ADAMTSL1: variants seen among roughly 807,000 people sequenced by gnomAD.
ADAMTSL1 encodes the protein ADAMTS-like protein 1.
ADAMTSL1 carries 126 observed loss-of-function variants against 201.8 expected under a neutral mutation model. The observed-to-expected ratio is 0.62, with a 90% CI of 0.54 to 0.72. ADAMTSL1 has a LOEUF of 0.72. Ranked by LOEUF, ADAMTSL1 falls within the 30% of genes least tolerant of loss-of-function variation. The pLI is 0.00. For synonymous variants in ADAMTSL1, 1,121 were observed against 903.4 expected (o/e 1.24, Z -4.32); for missense variants, 2,679 against 2,277.8 (o/e 1.18, Z -3.59).
intron 19 of ADAMTSL1, among the ~76,000 whole-genome samples, chr9:18,794,639 G>GTT (rs542611561): frequency 2.3e-4 from 26 of 111,648 alleles, no homozygotes; most frequent in African/African-American, 3.2e-4. Flanking sequence ...TTTTTTTGTT[G>GTT]TTGTTGTTTT....
intron 2 of ADAMTSL1, among the ~76,000 whole-genome samples, chr9:18,165,499 ACTGTCCATG>A (rs1298668143): frequency 6.6e-6 from 1 of 151,854 alleles, no homozygotes; most frequent in Non-Finnish European, 1.5e-5. Flanking sequence ...TAAAATGAAA[ACTGTCCATG>A]CTGTTGAATT....
chr9:18,072,031 C>A (rs1329981390), intron 1 of ADAMTSL1, among the ~76,000 whole-genome samples: 4 of 152,020 alleles, frequency 2.6e-5, no homozygotes, highest in African/African-American at 4.8e-5. Flanking sequence ...CTTAGCTGTC[C>A]CTGGCAACTG....
rs1405526524 is a variant in ADAMTSL1, at chr9:18,327,103, G to C, written c.207+163122G>C. 2.6e-5 allele frequency among the ~76,000 whole-genome samples: 4 copies of C among 152,296 alleles called. No homozygotes were observed. In the East Asian group the frequency reaches 7.7e-4, roughly 29 times the overall value. On this transcript the variant is annotated intron_variant, in intron 2 of 29. Transcript: ENST00000680146. ...TGATAAAAAAATTTTCAAATTACTG[G>C]TACTCTCCTTTTGAGTTTCATGGTA...
intron 2 of ADAMTSL1, among the ~76,000 whole-genome samples, chr9:18,329,867 G>A (rs1403444601): frequency 6.6e-6 from 1 of 152,198 alleles, no homozygotes; most frequent in African/African-American, 2.4e-5. Flanking sequence ...CAGTGCATAT[G>A]CAGTGGCTAG....
chr9:18,600,947 C>T (rs1392699325), intron 4 of ADAMTSL1, among the ~76,000 whole-genome samples: 5 of 152,160 alleles, frequency 3.3e-5, no homozygotes, highest in African/African-American at 4.8e-5. Context: ...ATCTTTAAAG[C>T]CTACTGCTTT....
At chr9:18,870,898 G>A (rs1827840906) in intron 23 of ADAMTSL1, among the ~76,000 whole-genome samples, 1 of 152,120 alleles carries the variant, frequency 6.6e-6, no homozygotes, top group East Asian at 1.9e-4. Flanking sequence ...CCTCAGTCAA[G>A]TTGTTTTAAG....
intron 2 of ADAMTSL1, among the ~76,000 whole-genome samples, chr9:18,405,626 C>T (rs1047576610): frequency 1.7e-5 from 2 of 120,304 alleles, no homozygotes; most frequent in Non-Finnish European, 3.4e-5. Context: ...CTTGGAAAAA[C>T]AGAAGAATGA....
At chr9:18,744,702 C>T (rs2133567470) in intron 15 of ADAMTSL1, among the ~76,000 whole-genome samples, 1 of 152,332 alleles carries the variant, frequency 6.6e-6, no homozygotes, top group African/African-American at 2.4e-5. Flanking sequence ...TGTTAAGTAA[C>T]TTCCCCGAGA....
intron 2 of ADAMTSL1, among the ~76,000 whole-genome samples, chr9:18,238,420 T>A (rs1358498268): frequency 2.0e-5 from 3 of 152,000 alleles, no homozygotes; most frequent in African/African-American, 7.3e-5. Context: ...GCAGCAGAGT[T>A]GTAGGGGAAG....
intron 2 of ADAMTSL1, among the ~76,000 whole-genome samples, chr9:18,409,809 T>TTA (rs1320951438): frequency 6.7e-6 from 1 of 150,072 alleles, no homozygotes; most frequent in Non-Finnish European, 1.5e-5. Context: ...TCCAAATTTT[T>TTA]TATATATATA....
At chr9:18,263,327 T>C (rs1374938022) in intron 2 of ADAMTSL1, among the ~76,000 whole-genome samples, 1 of 152,208 alleles carries the variant, frequency 6.6e-6, no homozygotes, top group Non-Finnish European at 1.5e-5. Flanking sequence ...TCTCCTAGAA[T>C]TTTCTAATAT....
At chr9:18,434,327 C>T (rs966606668) in intron 2 of ADAMTSL1, among the ~76,000 whole-genome samples, 2 of 152,130 alleles carry the variant, frequency 1.3e-5, no homozygotes, top group Non-Finnish European at 2.9e-5. Context: ...GAAGCTCCAC[C>T]ATGCATCCCT....
intron 1 of ADAMTSL1, among the ~76,000 whole-genome samples, chr9:18,135,469 G>T (rs1444830393): frequency 2.0e-5 from 3 of 152,074 alleles, no homozygotes; most frequent in Non-Finnish European, 4.4e-5. Context: ...CCACAAGGTG[G>T]ACAGTTACCA....
chr9:18,847,658 A>G (rs1215409933), intron 23 of ADAMTSL1, among the ~76,000 whole-genome samples: 1 of 133,300 alleles, frequency 7.5e-6, no homozygotes, highest in Non-Finnish European at 1.7e-5. Flanking sequence ...GTCTGGAGAG[A>G]GAAGAGAGGA....
intron 9 of ADAMTSL1, among the ~76,000 whole-genome samples, chr9:18,667,298 T>G (rs1388103245): frequency 6.6e-6 from 1 of 151,142 alleles, no homozygotes; most frequent in African/African-American, 2.4e-5. Flanking sequence ...AAAAAAAGTC[T>G]CAAATTCTAA....
At chr9:18,721,494 A>ACC in intron 14 of ADAMTSL1, 42 bp from the exon 15 acceptor site, 1 of 1,606,358 alleles carries the variant, frequency 6.2e-7, no homozygotes. Flanking sequence ...CCACACACAC[A>ACC]CCCACTTTGC....
At chr9:18,692,131 T>A (rs1831262654) in intron 13 of ADAMTSL1, among the ~76,000 whole-genome samples, 1 of 152,202 alleles carries the variant, frequency 6.6e-6, no homozygotes, top group African/African-American at 2.4e-5. Flanking sequence ...CTTTGAAGAC[T>A]CACTTATAAG....
At chr9:18,235,172 T>C (rs1830796674) in intron 2 of ADAMTSL1, among the ~76,000 whole-genome samples, 1 of 152,182 alleles carries the variant, frequency 6.6e-6, no homozygotes, top group South Asian at 2.1e-4. Flanking sequence ...TCCCCTTGGC[T>C]AGGACAGATT....
chr9:17,943,762 TA>T (rs1827339400), intron 1 of ADAMTSL1, among the ~76,000 whole-genome samples: 1 of 152,128 alleles, frequency 6.6e-6, no homozygotes, highest in South Asian at 2.1e-4. Context: ...TATAAAGAAA[TA>T]CCTGAGACTG....
Sources: gnomAD v4.1 joint callset for allele counts (sites outside exome capture counted in the v4.1 genomes callset) on GRCh38, gnomAD v4.1.1 for gene constraint, MANE v1.5 for transcripts, NCBI Gene and HGNC (gene_info 2026-07-23, HGNC 2026-07-21) for gene names.